Variants in THSD7A observed in about 807,000 individuals in gnomAD.
The protein encoded by THSD7A is thrombospondin type-1 domain-containing protein 7A.
THSD7A carries 96 observed loss-of-function variants against 231.3 expected under a neutral mutation model. That is an observed-to-expected ratio of 0.41 (90% CI 0.35 to 0.49). The LOEUF (loss-of-function observed/expected upper bound fraction) is 0.49. THSD7A is among the 20% of genes least tolerant of loss of function. The pLI is 0.05. For missense variants in THSD7A, 2,290 were observed against 2,070.2 expected (o/e 1.11, Z -2.06); for synonymous variants, 940 against 743.3 (o/e 1.26, Z -4.30).
Position 11,375,427 on chromosome 7 carries a change from G to C in THSD7A, c.*367C>G, listed in dbSNP as rs905586304. 2.9e-5 allele frequency: 5 copies of C among 170,960 alleles called. No homozygotes were observed. Among genetic ancestry groups the C allele is most frequent in the African/African-American group, 1.2e-4 (5 of 42,066 alleles). The allele number at this position is 170,960 out of a possible 1,614,324, so 10.6% of individuals were successfully genotyped here. A position where few individuals can be genotyped will look rare whatever the true frequency, so the allele number is the denominator to read the frequency against. On this transcript the variant is annotated 3_prime_UTR_variant, in exon 28 of 28. Coordinates refer to ENST00000423059, the MANE Select transcript of THSD7A (RefSeq NM_015204.3). ...TGGTAGAAACTCTTCATGCTAGGAAGTTTTATGGATTAACACTGCAGACGG... is the reference window on the plus strand; with the variant it reads ...TGGTAGAAACTCTTCATGCTAGGAACTTTTATGGATTAACACTGCAGACGG...
At chr7:11,630,308 T>C (rs1379633317) in intron 2 of THSD7A, among the ~76,000 whole-genome samples, 3 of 152,186 alleles carry the variant, frequency 2.0e-5, no homozygotes, top group Admixed American at 2.0e-4. Flanking sequence ...CCAGAAAGTC[T>C]GGGCCTGGAA....
At chr7:11,515,953 A>G (rs1267524460) in intron 6 of THSD7A, among the ~76,000 whole-genome samples, 1 of 152,288 alleles carries the variant, frequency 6.6e-6, no homozygotes, top group Non-Finnish European at 1.5e-5. Flanking sequence ...AGCACTATCA[A>G]TCATGATTTA....
intron 1 of THSD7A, among the ~76,000 whole-genome samples, chr7:11,793,851 C>CT (rs1562560477): frequency 6.6e-6 from 1 of 151,654 alleles, no homozygotes; most frequent in Non-Finnish European, 1.5e-5. Flanking sequence ...TGATTTCTTT[C>CT]TTTTTTTGAA....
chr7:11,565,077 A>T (rs189662962), intron 4 of THSD7A, among the ~76,000 whole-genome samples: 252 of 152,284 alleles, frequency 1.7e-3, no homozygotes, highest in African/African-American at 6.0e-3. Flanking sequence ...GTTGTAGAAT[A>T]GTGTACATAG....
At chr7:11,667,544 G>A (rs1783189327) in intron 1 of THSD7A, among the ~76,000 whole-genome samples, 1 of 152,012 alleles carries the variant, frequency 6.6e-6, no homozygotes, top group Non-Finnish European at 1.5e-5. Context: ...AAAAAGTAGG[G>A]CAAGGTGGAA....
At chr7:11,380,961 AAG>A (rs1238125946) in intron 24 of THSD7A, among the ~76,000 whole-genome samples, 1 of 152,182 alleles carries the variant, frequency 6.6e-6, no homozygotes, top group African/African-American at 2.4e-5. Flanking sequence ...GCAGTGGAAA[AAG>A]AGTTTTGAAT....
At chr7:11,544,338 C>G (rs945658965) in intron 4 of THSD7A, among the ~76,000 whole-genome samples, 1 of 149,692 alleles carries the variant, frequency 6.7e-6, no homozygotes, top group Non-Finnish European at 1.5e-5. Context: ...GAGACACAGT[C>G]GGAAAAAAAA....
At chr7:11,582,686 T>C (rs1168587088) in intron 4 of THSD7A, among the ~76,000 whole-genome samples, 1 of 152,208 alleles carries the variant, frequency 6.6e-6, no homozygotes, top group Non-Finnish European at 1.5e-5. Context: ...TAATTCTACG[T>C]TGCCAGTTAC....
In THSD7A at chr7:11,407,354, A is replaced by G. The variant is rs763597291; in HGVS notation, c.3868T>C (p.Ser1290Pro). 1.9e-6 allele frequency: 3 copies of G among 1,613,784 alleles called. No homozygotes were observed. Among genetic ancestry groups the G allele is most frequent in the East Asian group, 4.5e-5 (2 of 44,870 alleles). ...CATTCTGACCAAGGAGACCAATCAG[A>G]AAGCTGACAGTTCACAGGGCATTCC... is the stretch of plus-strand genomic sequence containing the variant. ...MVECPVNCQLSDWSPWSECSQ... is the reference protein window; with the variant it reads ...MVECPVNCQLPDWSPWSECSQ... Residue 1290 changes from serine to proline, a missense_variant, in exon 20 of 28, where the codon TCT (serine) becomes CCT (proline). Physicochemically the swap from Ser to Pro is moderately conservative, Grantham distance 74. Coordinates refer to ENST00000423059, the MANE Select transcript of THSD7A (RefSeq NM_015204.3).
At chr7:11,380,350 G>C (rs1782461820) in intron 24 of THSD7A, among the ~76,000 whole-genome samples, 1 of 152,014 alleles carries the variant, frequency 6.6e-6, no homozygotes, top group Non-Finnish European at 1.5e-5. Context: ...TCTCAAGTGA[G>C]GTTTTAAGAT....
intron 23 of THSD7A, among the ~76,000 whole-genome samples, chr7:11,383,248 G>A (rs1049723855): frequency 6.8e-4 from 103 of 151,980 alleles, no homozygotes; most frequent in African/African-American, 2.3e-3. Context: ...CTGAAACTTA[G>A]TCAATGTTAC....
intron 2 of THSD7A, among the ~76,000 whole-genome samples, chr7:11,633,677 C>T (rs1429942369): frequency 2.0e-5 from 3 of 152,130 alleles, no homozygotes; most frequent in African/African-American, 4.8e-5. Flanking sequence ...CCGTTTCCTG[C>T]TGTCAGAATA....
At chr7:11,817,366 T>C (rs978648988) in intron 1 of THSD7A, among the ~76,000 whole-genome samples, 3 of 152,220 alleles carry the variant, frequency 2.0e-5, no homozygotes, top group African/African-American at 4.8e-5. Context: ...ATGGCTAAGA[T>C]ATGCACAATC....
intron 2 of THSD7A, among the ~76,000 whole-genome samples, chr7:11,615,751 A>G (rs1781084079): frequency 6.6e-6 from 1 of 152,136 alleles, no homozygotes. Flanking sequence ...AGTCAATGTC[A>G]TCTGTCTGAA....
chr7:11,561,353 C>G (rs558183358), intron 4 of THSD7A, among the ~76,000 whole-genome samples: 1 of 152,202 alleles, frequency 6.6e-6, no homozygotes, highest in East Asian at 1.9e-4. Context: ...AGTGGTCTAT[C>G]AATGAAAATT....
intron 4 of THSD7A, among the ~76,000 whole-genome samples, chr7:11,582,766 A>G (rs1791220498): frequency 6.6e-6 from 1 of 152,180 alleles, no homozygotes; most frequent in South Asian, 2.1e-4. Context: ...AAATTTCACT[A>G]TTAATTTGCT....
intron 9 of THSD7A, among the ~76,000 whole-genome samples, chr7:11,469,397 GAC>G (rs956973117): frequency 5.9e-4 from 90 of 152,182 alleles, no homozygotes; most frequent in African/African-American, 2.1e-3. Context: ...AATTCCTCAT[GAC>G]ACATTACATG....
chr7:11,517,775 G>A (rs1788094213), intron 6 of THSD7A, among the ~76,000 whole-genome samples: 1 of 152,202 alleles, frequency 6.6e-6, no homozygotes, highest in Non-Finnish European at 1.5e-5. Flanking sequence ...AAAACTGACA[G>A]ACATATTATC....
chr7:11,620,283 T>C (rs1281828571), intron 2 of THSD7A, among the ~76,000 whole-genome samples: 1 of 152,192 alleles, frequency 6.6e-6, no homozygotes, highest in Non-Finnish European at 1.5e-5. Flanking sequence ...TTTAAAAACA[T>C]TTCTAGAAAA....
Sources: allele counts gnomAD v4.1 joint callset (sites outside exome capture counted in the v4.1 genomes callset), GRCh38; gene constraint gnomAD v4.1.1; transcripts MANE v1.5; gene names NCBI Gene and HGNC (gene_info 2026-07-23, HGNC 2026-07-21).